The following PHYH variants were observed in gnomAD, a reference collection of about 807,000 sequenced individuals.
The protein encoded by PHYH is phytanoyl-CoA dioxygenase, peroxisomal.
PHYH carries 32 observed loss-of-function variants against 38.5 expected under a neutral mutation model. The observed-to-expected ratio is 0.83, with a 90% CI of 0.63 to 1.12. PHYH has a LOEUF of 1.12. PHYH is among the 50% of genes most tolerant of loss of function. The pLI, the probability that PHYH is intolerant of heterozygous loss-of-function variation, is 0.00. For missense variants in PHYH, 426 were observed against 434.8 expected, an observed-to-expected ratio of 0.98 and a Z score of 0.18; for synonymous variants, 166 against 157.9, an observed-to-expected ratio of 1.05 and a Z score of -0.38.
chr10:13,281,170 G>T, intron 7 of PHYH, 60 bp from the exon 8 acceptor site: 5 of 1,544,958 alleles, frequency 3.2e-6, no homozygotes, highest in Non-Finnish European at 4.5e-6. Context: ...CAGTGACCAA[G>T]CAGGGAGTCT....
intron 6 of PHYH, among the ~76,000 whole-genome samples, 162 bp downstream of exon 6, chr10:13,288,198 C>A (rs930686254): frequency 9.2e-5 from 14 of 152,206 alleles, no homozygotes; most frequent in African/African-American, 3.4e-4. Flanking sequence ...AATGTTTTCT[C>A]TGACATCCTT....
At chr10:13,294,305 CT>C (rs1454123727) in intron 4 of PHYH, 122 bp downstream of exon 4, 10 of 854,958 alleles carry the variant, frequency 1.2e-5, no homozygotes, top group Non-Finnish European at 2.0e-5. Flanking sequence ...ATCCACCTGC[CT>C]CAGCCTCCCA....
Position 13,278,332 on chromosome 10 carries a change from C to T in PHYH, c.986G>A (p.Arg329Gln), listed in dbSNP as rs144085594. 1.0e-4 allele frequency: 169 copies of T among 1,612,458 alleles called. No homozygotes were observed. The highest frequency in any genetic ancestry group is 4.9e-4 in the Middle Eastern group (3 of 6,074). Residue 329 changes from arginine (R) to glutamine (Q), a missense_variant, in exon 9 of 9, where the codon CGA becomes CAA. Physicochemically the swap from Arg to Gln is conservative, Grantham distance 43. Coordinates refer to ENST00000263038, the MANE Select transcript of PHYH (RefSeq NM_006214.4). Reference sequence around the variant, plus strand: ...ATTGGTTCTTTCTCCTTTCACAAGTCGAGCTCGAAACATCCAAATATCCTG... The same window carrying T: ...ATTGGTTCTTTCTCCTTTCACAAGTTGAGCTCGAAACATCCAAATATCCTG... ...NLKDIWMFRA[R>Q]LVKGERTNL is the part of the protein sequence containing the mutation.
At chr10:13,293,584 G>A (rs1438550734) in intron 4 of PHYH, among the ~76,000 whole-genome samples, 3 of 151,966 alleles carry the variant, frequency 2.0e-5, no homozygotes, top group Non-Finnish European at 2.9e-5. Context: ...ACAGGCATGA[G>A]CCACCGCGCC....
intron 7 of PHYH, among the ~76,000 whole-genome samples, chr10:13,283,346 G>A (rs1358172988): frequency 1.3e-5 from 2 of 151,732 alleles, no homozygotes; most frequent in African/African-American, 4.8e-5. Flanking sequence ...AGCCAGGATA[G>A]TCTCGATCTC....
chr10:13,295,376 A>G, intron 3 of PHYH, 120 bp downstream of exon 3: 2 of 697,992 alleles, frequency 2.9e-6, no homozygotes, highest in Non-Finnish European at 5.2e-6. Flanking sequence ...GCTTCTAAAC[A>G]CTTCCCAACA....
In PHYH at chr10:13,283,782, C is replaced by A; in HGVS notation, c.736G>T (p.Val246Leu). 6.2e-7 allele frequency: 1 copy of A among 1,613,930 alleles called. No homozygotes were observed. Among genetic ancestry groups the A allele is most frequent in the Non-Finnish European group, 8.5e-7 (1 of 1,179,898 alleles). Reference protein sequence around the residue: ...IQDYEENKARVHLVMEKGDTV... With the variant: ...IQDYEENKARLHLVMEKGDTV... Reference sequence around the variant, plus strand: ...TCGCCCTTCTCCATCACCAGGTGCACCCGGGCCTTGTTTTCCTCGTAGTCC... The same window carrying A: ...TCGCCCTTCTCCATCACCAGGTGCAACCGGGCCTTGTTTTCCTCGTAGTCC... Residue 246 changes from valine to leucine, a missense_variant, in exon 7 of 9, where the codon GTG (valine) becomes TTG (leucine). Transcript: ENST00000263038.
chr10:13,295,778 A>C (rs528842591), intron 2 of PHYH, among the ~76,000 whole-genome samples, 172 bp from the exon 3 acceptor site: 1 of 152,022 alleles, frequency 6.6e-6, no homozygotes, highest in South Asian at 2.1e-4. Flanking sequence ...TCTACAAAAA[A>C]TACTGGTTGT....
chr10:13,296,383 C>T (rs982892038), intron 2 of PHYH, among the ~76,000 whole-genome samples: 7 of 150,822 alleles, frequency 4.6e-5, no homozygotes, highest in African/African-American at 1.7e-4. Context: ...TCGAGACCAG[C>T]CTGACTCACA....
At chr10:13,284,178 C>T (rs1835487442) in intron 6 of PHYH, among the ~76,000 whole-genome samples, 1 of 152,032 alleles carries the variant, frequency 6.6e-6, no homozygotes, top group African/African-American at 2.4e-5. Flanking sequence ...CAAAAATTAG[C>T]TGGGCGTGGT....
chr10:13,299,465 T>C (rs577210275), intron 1 of PHYH: 1 of 1,002,578 alleles, frequency 1.0e-6, no homozygotes, highest in African/African-American at 1.7e-5. Flanking sequence ...TCAGTGGCAA[T>C]GCCGTAGTCC....
intron 3 of PHYH, chr10:13,295,000 G>T (rs945928658): frequency 9.3e-6 from 3 of 323,688 alleles, no homozygotes; most frequent in Admixed American, 4.7e-5. Flanking sequence ...ACAGAGGCAT[G>T]GGATGTGAAG....
Position 13,299,978 on chromosome 10 carries a change from G to A in PHYH, c.65C>T (p.Ala22Val). ...IVLGHLGRPSAGAVVAHPTSG... is the reference protein window; with the variant it reads ...IVLGHLGRPSVGAVVAHPTSG... ...CAGCCCAAAGGATACGACAGCCCCGGCCGAGGGGCGGCCGAGGTGGCCCAG... is the reference window on the plus strand; with the variant it reads ...CAGCCCAAAGGATACGACAGCCCCGACCGAGGGGCGGCCGAGGTGGCCCAG... The change falls in exon 1 of 9, where the codon GCC becomes GTC. Residue 22 changes from alanine (A) to valine (V), a missense_variant. By Grantham distance (64) the Ala-to-Val change is moderately conservative. Coordinates refer to ENST00000263038, the MANE Select transcript of PHYH (RefSeq NM_006214.4). 6.5e-7 allele frequency: 1 copy of A among 1,530,820 alleles called. No individual in the cohort carries two copies. The highest frequency in any genetic ancestry group is 8.7e-7 in the Non-Finnish European group (1 of 1,143,988). The allele number at this position is 1,530,820 out of a possible 1,614,324, so 94.8% of individuals were successfully genotyped here.
At chr10:13,285,752 A>C (rs915268559) in intron 6 of PHYH, among the ~76,000 whole-genome samples, 7 of 150,334 alleles carry the variant, frequency 4.7e-5, no homozygotes, top group Non-Finnish European at 1.0e-4. Context: ...CTACAGGCGC[A>C]CGCCACCACA....
chr10:13,279,942 C>T (rs1017943035), intron 8 of PHYH, among the ~76,000 whole-genome samples: 1 of 152,170 alleles, frequency 6.6e-6, no homozygotes, highest in African/African-American at 2.4e-5. Flanking sequence ...CGACACATTT[C>T]CAGGTTCTAA....
rs201383447 is a variant in PHYH, at chr10:13,288,480, G to T, written c.558C>A (p.Ser186Arg). ...CCGTCCAGGCGCAAACGATGAGATC[G>T]CTGGGCCTGAAGGGGAAATAGTGCA... ...QDLHYFPFRP[S>R]DLIVCAWTAM... is the part of the protein sequence containing the mutation. The change falls in exon 6 of 9, where the codon AGC (serine) becomes AGA (arginine). Residue 186 changes from serine to arginine, a missense_variant. Coordinates refer to ENST00000263038, the MANE Select transcript of PHYH (RefSeq NM_006214.4). 1.2e-6 allele frequency: 2 copies of T among 1,614,186 alleles called. No individual in the cohort carries two copies. The highest frequency in any genetic ancestry group is 1.7e-6 in the Non-Finnish European group (2 of 1,180,016).
chr10:13,285,862 C>A (rs1835536729), intron 6 of PHYH, among the ~76,000 whole-genome samples: 1 of 152,086 alleles, frequency 6.6e-6, no homozygotes, highest in African/African-American at 2.4e-5. Flanking sequence ...CCTCAGCCTC[C>A]CTAAGTGCTA....
intron 1 of PHYH, chr10:13,299,363 G>T: frequency 1.1e-6 from 1 of 886,012 alleles, no homozygotes; most frequent in Non-Finnish European, 1.4e-6. Flanking sequence ...TCCTGGCCTT[G>T]GCCCCCAGAA....
intron 5 of PHYH, 30 bp downstream of exon 5, chr10:13,291,800 AC>A (rs1835716624): frequency 6.8e-7 from 1 of 1,479,350 alleles, no homozygotes; most frequent in Non-Finnish European, 9.4e-7. Flanking sequence ...TTTTAATGAA[AC>A]CATTTTTTTT....
Sources: gnomAD v4.1 joint callset for allele counts (sites outside exome capture counted in the v4.1 genomes callset) on GRCh38, gnomAD v4.1.1 for gene constraint, MANE v1.5 for transcripts, NCBI Gene and HGNC (gene_info 2026-07-23, HGNC 2026-07-21) for gene names.